Variants in ARFGAP3 observed in about 807,000 individuals in gnomAD.
The protein encoded by ARFGAP3 is ADP-ribosylation factor GTPase-activating protein 3.
In ARFGAP3, 72 loss-of-function variants were observed where a neutral mutation model predicts 75.0. That is an observed-to-expected ratio of 0.96 (90% confidence interval 0.79 to 1.17). ARFGAP3 has a LOEUF of 1.17. ARFGAP3 is among the 50% of genes most tolerant of loss of function. The pLI is 0.00. For missense variants in ARFGAP3, 620 were observed against 626.6 expected (o/e 0.99, Z 0.11); for synonymous variants, 221 against 217.9 (o/e 1.01, Z -0.13).
intron 7 of ARFGAP3, among the ~76,000 whole-genome samples, chr22:42,825,522 A>G (rs1206212924): frequency 1.3e-5 from 2 of 151,804 alleles, no homozygotes; most frequent in African/African-American, 2.4e-5. Context: ...AAAAATACAA[A>G]AAGTTTGCTG....
chr22:42,849,502 G>A (rs1033053482), intron 1 of ARFGAP3, among the ~76,000 whole-genome samples: 7 of 150,428 alleles, frequency 4.7e-5, no homozygotes, highest in Non-Finnish European at 1.0e-4. Context: ...AGGAGACAAG[G>A]TCTGGCTCTC....
intron 3 of ARFGAP3, among the ~76,000 whole-genome samples, chr22:42,837,899 T>C (rs1387010982): frequency 6.6e-6 from 1 of 151,546 alleles, no homozygotes; most frequent in African/African-American, 2.4e-5. Flanking sequence ...CTTGAACTCA[T>C]GGGCTCAAGT....
chr22:42,806,716 T>G (rs1012915362), intron 14 of ARFGAP3, among the ~76,000 whole-genome samples: 1 of 152,196 alleles, frequency 6.6e-6, no homozygotes, highest in African/African-American at 2.4e-5. Context: ...CCTCAAGGGC[T>G]CACAGCTAGA....
chr22:42,844,428 T>C (rs1024836218), intron 2 of ARFGAP3, among the ~76,000 whole-genome samples: 4 of 151,766 alleles, frequency 2.6e-5, no homozygotes, highest in South Asian at 4.2e-4. Flanking sequence ...CTAGTAAAAA[T>C]ACAAAAATTA....
intron 3 of ARFGAP3, among the ~76,000 whole-genome samples, chr22:42,838,848 T>C (rs918597382): frequency 1.3e-5 from 2 of 152,080 alleles, no homozygotes; most frequent in Admixed American, 1.3e-4. Flanking sequence ...CGGTGGCTCA[T>C]GCCTGTAATC....
At chr22:42,834,583 T>G (rs1379078853) in intron 4 of ARFGAP3, 1 of 178,592 alleles carries the variant, frequency 5.6e-6, no homozygotes. Flanking sequence ...ATCAAAGACT[T>G]CATATCTAAA....
intron 12 of ARFGAP3, among the ~76,000 whole-genome samples, chr22:42,810,123 A>G (rs1418097113): frequency 6.6e-6 from 1 of 152,062 alleles, no homozygotes; most frequent in African/African-American, 2.4e-5. Context: ...CATTTCTTTC[A>G]AGGTCCACAG....
At position 42,799,072 on chromosome 22, in the gene ARFGAP3, GGA is replaced by G. The variant is rs1924733918; in HGVS notation, c.1498_1499del (p.Ser500ArgfsTer4). On this transcript the variant is annotated frameshift_variant, in exon 15 of 16. Coordinates refer to ENST00000263245, the MANE Select transcript of ARFGAP3 (RefSeq NM_014570.5). LOFTEE classifies it high-confidence loss of function. ...AAGTCACGACTCCATTAGCAAAGAC[GGA>G]GAGTTTTCCAGCAACCGATCTCACT... ...QGVRSVAGKL[S>X]VFANGVVTSI... 3 of 1,614,158 alleles carry G rather than the reference GGA, an allele frequency of 1.9e-6. No homozygotes were observed. The highest frequency in any genetic ancestry group is 1.3e-5 in the African/African-American group (1 of 75,030).
intron 14 of ARFGAP3, among the ~76,000 whole-genome samples, chr22:42,806,250 AC>A (rs1925116852): frequency 6.6e-6 from 1 of 151,572 alleles, no homozygotes. Context: ...TTTCACGTTA[AC>A]CACAGGGCCC....
At chr22:42,824,701 A>AT (rs142848823) in intron 7 of ARFGAP3, among the ~76,000 whole-genome samples, 1,603 of 152,112 alleles carry the variant, frequency 0.011, 30 homozygotes, top group African/African-American at 0.036. Flanking sequence ...TTCCATTTTT[A>AT]TTTTAGATTC....
At chr22:42,836,419 G>C (rs980716547) in intron 3 of ARFGAP3, among the ~76,000 whole-genome samples, 3 of 152,128 alleles carry the variant, frequency 2.0e-5, no homozygotes, top group African/African-American at 7.2e-5. Flanking sequence ...GATTAGAAGT[G>C]TGAACCACTA....
chr22:42,841,015 A>G lies in ARFGAP3; in HGVS notation c.190T>C (p.Ser64Pro). 1 of 1,613,760 alleles carries G rather than the reference A, an allele frequency of 6.2e-7. No homozygotes were observed. Among genetic ancestry groups the G allele is most frequent in the Non-Finnish European group, 8.5e-7 (1 of 1,179,880 alleles). ...GACCAGTTGGAATCCAACTCTGTAG[A>G]TCTAAATGGAAAGAATATTACTAAC... Reference protein sequence around the residue: ...SLGVHLSFIRSTELDSNWSWF... With the variant: ...SLGVHLSFIRPTELDSNWSWF... Residue 64 changes from serine (S) to proline (P), a missense_variant and splice_region_variant, in exon 3 of 16, where the codon TCT becomes CCT. Ser to Pro is a moderately conservative substitution (Grantham distance 74). Transcript: ENST00000263245.
intron 3 of ARFGAP3, among the ~76,000 whole-genome samples, chr22:42,840,672 G>A (rs1926742165): frequency 1.3e-5 from 2 of 151,632 alleles, no homozygotes; most frequent in South Asian, 2.1e-4. Flanking sequence ...CAAGTGATCC[G>A]CCCGCCTCAG....
intron 12 of ARFGAP3, 130 bp downstream of exon 12, chr22:42,810,683 T>C (rs1392990577): frequency 1.3e-6 from 1 of 762,500 alleles, no homozygotes; most frequent in African/African-American, 1.7e-5. Flanking sequence ...CCTCTTAAAG[T>C]GCTGGGATTA....
At chr22:42,798,020 A>G (rs1380123317) in intron 15 of ARFGAP3, among the ~76,000 whole-genome samples, 1 of 152,194 alleles carries the variant, frequency 6.6e-6, no homozygotes, top group African/African-American at 2.4e-5. Flanking sequence ...AAGTGACCTA[A>G]CCTTCTGTGC....
At position 42,835,392 on chromosome 22, in the gene ARFGAP3, G is replaced by C. The variant is rs754991310; in HGVS notation, c.363C>G (p.Ala121=). The change falls in exon 4 of 16, where the codon GCC becomes GCG. Residue 121 remains alanine (A), a synonymous_variant. Coordinates refer to ENST00000263245, the MANE Select transcript of ARFGAP3 (RefSeq NM_014570.5). ...TGCCATGCTTCCGTGTTGCTTGAGA[G>C]GCGAGCGATTTGATTTTCTCCCTAT... is the stretch of plus-strand genomic sequence containing the variant. The part of the protein sequence containing the change: ...QLYREKIKSL[A]SQATRKHGTD... The C allele has an allele frequency of 5.0e-6, 8 of 1,614,116 alleles. No individual in the cohort carries two copies. Among genetic ancestry groups the C allele is most frequent in the Non-Finnish European group, 6.8e-6 (8 of 1,179,986 alleles).
intron 4 of ARFGAP3, 137 bp from the exon 5 acceptor site, chr22:42,834,462 T>C (rs1178302350): frequency 1.2e-5 from 17 of 1,443,100 alleles, no homozygotes; most frequent in Non-Finnish European, 1.6e-5. Flanking sequence ...GTAACATCCC[T>C]ACAGAGGACC....
intron 1 of ARFGAP3, chr22:42,853,423 C>A: frequency 4.5e-6 from 1 of 220,530 alleles, no homozygotes; most frequent in South Asian, 7.8e-5. Flanking sequence ...ACCATTCTCC[C>A]CACTGAGCTT....
Position 42,857,184 on chromosome 22 carries a change from G to C in ARFGAP3, c.-2C>G, listed in dbSNP as rs886253110. 1.3e-6 allele frequency: 2 copies of C among 1,511,744 alleles called. No individual in the cohort carries two copies. Among genetic ancestry groups the C allele is most frequent in the African/African-American group, 1.4e-5 (1 of 69,614 alleles). 93.6% of individuals were successfully genotyped at this position (1,511,744 alleles called of 1,614,324 possible). On this transcript the variant is annotated 5_prime_UTR_variant, in exon 1 of 16. Coordinates refer to ENST00000263245, the MANE Select transcript of ARFGAP3 (RefSeq NM_014570.5). ...GTCCTGCTTGCTGGGGTCCCCCATC[G>C]TCAGCTGTGAGCCGCGGCGCAGCTG...
Sources: allele counts gnomAD v4.1 joint callset (sites outside exome capture counted in the v4.1 genomes callset), GRCh38; gene constraint gnomAD v4.1.1; transcripts MANE v1.5; gene names NCBI Gene and HGNC (gene_info 2026-07-23, HGNC 2026-07-21).